The following SH3GLB1 variants were observed in gnomAD, a reference collection of about 807,000 sequenced individuals.
SH3GLB1 encodes SH3 domain containing GRB2 like, endophilin B1.
SH3GLB1 carries 17 observed loss-of-function variants against 42.0 expected under a neutral mutation model. The observed-to-expected ratio is 0.40, with a 90% CI of 0.28 to 0.61. SH3GLB1 has a LOEUF of 0.61. SH3GLB1 is among the 20% of genes least tolerant of loss of function. The pLI, the probability that SH3GLB1 is intolerant of heterozygous loss-of-function variation, is 0.36. For missense variants in SH3GLB1, 355 were observed against 426.3 expected (o/e 0.83, Z 1.47); for synonymous variants, 132 against 146.6 (o/e 0.90, Z 0.72).
At chr1:86,741,760 G>A (rs180924947) in intron 7 of SH3GLB1, among the ~76,000 whole-genome samples, 12 of 152,052 alleles carry the variant, frequency 7.9e-5, no homozygotes, top group African/African-American at 2.9e-4. Context: ...AAATGTGATT[G>A]GACCAGTTTA....
intron 1 of SH3GLB1, among the ~76,000 whole-genome samples, chr1:86,713,669 C>G (rs1654344244): frequency 6.6e-6 from 1 of 152,140 alleles, no homozygotes; most frequent in South Asian, 2.1e-4. Context: ...AACTCCTGCT[C>G]CCCTTTCTAG....
chr1:86,708,282 A>C (rs970331878), intron 1 of SH3GLB1, among the ~76,000 whole-genome samples: 2 of 152,206 alleles, frequency 1.3e-5, no homozygotes, highest in African/African-American at 2.4e-5. Context: ...TTTCATGCTA[A>C]GAATAGCTTA....
In SH3GLB1 at chr1:86,704,640, G is replaced by C. The variant is rs929539962; in HGVS notation, c.-260G>C. Reference sequence around the variant, plus strand: ...CCGTCCATCTCCGGCTCGCCCGCGGGGCCCATCGTCGACGTTAGCGGCCGT... The same window carrying C: ...CCGTCCATCTCCGGCTCGCCCGCGGCGCCCATCGTCGACGTTAGCGGCCGT... On this transcript the variant is annotated 5_prime_UTR_variant, in exon 1 of 9. Coordinates refer to ENST00000370558, the MANE Select transcript of SH3GLB1 (RefSeq NM_016009.5). The C allele has an allele frequency of 2.9e-6, 1 of 344,384 alleles. No individual in the cohort carries two copies. The highest frequency in any genetic ancestry group is 2.2e-5 in the African/African-American group (1 of 45,502). 21.3% of individuals were successfully genotyped at this position (344,384 alleles called of 1,614,324 possible). A position where few individuals can be genotyped will look rare whatever the true frequency, so the allele number is the denominator to read the frequency against.
intron 5 of SH3GLB1, among the ~76,000 whole-genome samples, chr1:86,729,710 C>T (rs1009248950): frequency 1.7e-4 from 26 of 152,002 alleles, no homozygotes; most frequent in African/African-American, 6.0e-4. Context: ...TTTCAGCAGC[C>T]ATTAATCCTT....
Position 86,735,171 on chromosome 1 carries a change from A to G in SH3GLB1, c.753A>G (p.Gln251=), listed in dbSNP as rs2101977697. 1 of 1,606,836 alleles carries G rather than the reference A, an allele frequency of 6.2e-7. No homozygotes were observed. The highest frequency in any genetic ancestry group is 2.2e-5 in the East Asian group (1 of 44,776). Residue 251 remains glutamine, a synonymous_variant, in exon 7 of 9, where the codon CAA becomes CAG. Coordinates refer to ENST00000370558, the MANE Select transcript of SH3GLB1 (RefSeq NM_016009.5). ...CYQYMLDLQK[Q]LGSFPSNYLS... ...AGTATATGTTGGACCTCCAGAAACA[A>G]CTGGGAAGGTGATAATTTACTTTTC... is the stretch of plus-strand genomic sequence containing the variant.
intron 5 of SH3GLB1, among the ~76,000 whole-genome samples, chr1:86,725,436 C>G (rs1178706666): frequency 1.3e-5 from 2 of 151,976 alleles, no homozygotes; most frequent in East Asian, 3.8e-4. Context: ...TATTTATAAG[C>G]TTTTTAGTTA....
chr1:86,743,143 A>G lies in SH3GLB1; in HGVS notation c.1006A>G (p.Ser336Gly). ...TATTTTGCAGGTGATCACTGTGTTCAGTGTTGTTGGAATGGATTCAGACTG... is the reference window on the plus strand; with the variant it reads ...TATTTTGCAGGTGATCACTGTGTTCGGTGTTGTTGGAATGGATTCAGACTG... ...LLADEVITVF[S>G]VVGMDSDWLM... The change falls in exon 9 of 9, where the codon AGT (serine) becomes GGT (glycine). Residue 336 changes from serine to glycine, a missense_variant. Physicochemically the swap from Ser to Gly is moderately conservative, Grantham distance 56. Coordinates refer to ENST00000370558, the MANE Select transcript of SH3GLB1 (RefSeq NM_016009.5). The G allele has an allele frequency of 6.2e-7, 1 of 1,612,192 alleles. No homozygotes were observed. The highest frequency in any genetic ancestry group is 8.5e-7 in the Non-Finnish European group (1 of 1,179,526).
chr1:86,728,991 T>C (rs2101963753), intron 5 of SH3GLB1, among the ~76,000 whole-genome samples: 1 of 152,294 alleles, frequency 6.6e-6, no homozygotes, highest in Non-Finnish European at 1.5e-5. Flanking sequence ...CACCCAGTGC[T>C]AACTCACTTA....
chr1:86,722,234 C>T (rs549648275), intron 3 of SH3GLB1, among the ~76,000 whole-genome samples: 5 of 150,834 alleles, frequency 3.3e-5, no homozygotes, highest in African/African-American at 1.2e-4. Context: ...CCCATAGATA[C>T]AGAGGGCCGA....
chr1:86,706,632 T>A (rs1411908016), intron 1 of SH3GLB1, among the ~76,000 whole-genome samples: 1 of 152,240 alleles, frequency 6.6e-6, no homozygotes, highest in African/African-American at 2.4e-5. Flanking sequence ...TAACATTGAC[T>A]GCAATAGAGG....
chr1:86,724,883 A>AT, intron 5 of SH3GLB1, among the ~76,000 whole-genome samples: 3 of 124,022 alleles, frequency 2.4e-5, no homozygotes, highest in African/African-American at 1.2e-4. Context: ...TTAAAAAAAA[A>AT]AAAAAAAAAA....
At chr1:86,718,237 G>A (rs907507199) in intron 2 of SH3GLB1, among the ~76,000 whole-genome samples, 1 of 151,784 alleles carries the variant, frequency 6.6e-6, no homozygotes, top group African/African-American at 2.4e-5. Context: ...GTAGAGACGG[G>A]GTTTCACCAT....
chr1:86,716,819 T>G (rs565091277), intron 2 of SH3GLB1, among the ~76,000 whole-genome samples: 12 of 152,214 alleles, frequency 7.9e-5, no homozygotes, highest in Non-Finnish European at 1.6e-4. Flanking sequence ...ATATCAAAAC[T>G]GAAGAACAAA....
Position 86,734,481 on chromosome 1 carries a change from C to T in SH3GLB1, c.571-121C>T, listed in dbSNP as rs1011523025. The T allele has an allele frequency of 5.1e-5, 35 of 685,468 alleles. 1 individual carries two copies. In the East Asian group the frequency reaches 8.0e-4, roughly 16 times the overall value. The allele number at this position is 685,468 out of a possible 1,614,324, so 42.5% of individuals were successfully genotyped here. A position where few individuals can be genotyped will look rare whatever the true frequency, so the allele number is the denominator to read the frequency against. ...CCATTTTAGATACAAAGCAGAATTG[C>T]GGAATTGCCAGATTATAACTTGAGG... On this transcript the variant is annotated intron_variant, in intron 5 of 8. Transcript: ENST00000370558.
At chr1:86,719,377 T>G in intron 2 of SH3GLB1, 130 bp from the exon 3 acceptor site, 2 of 493,402 alleles carry the variant, frequency 4.1e-6, no homozygotes, top group African/African-American at 2.0e-5. Context: ...AAAAAATTAT[T>G]TATTAAGATA....
intron 7 of SH3GLB1, among the ~76,000 whole-genome samples, chr1:86,737,692 A>T (rs1452996447): frequency 6.6e-6 from 1 of 152,220 alleles, no homozygotes; most frequent in Non-Finnish European, 1.5e-5. Flanking sequence ...TGGAATCTAC[A>T]TTCTATATGG....
intron 2 of SH3GLB1, among the ~76,000 whole-genome samples, chr1:86,717,566 T>A (rs1345230492): frequency 6.6e-6 from 1 of 151,954 alleles, no homozygotes; most frequent in East Asian, 1.9e-4. Context: ...GGATTACAGG[T>A]GTCCACCACC....
At chr1:86,727,030 T>G (rs941056537) in intron 5 of SH3GLB1, among the ~76,000 whole-genome samples, 1 of 152,040 alleles carries the variant, frequency 6.6e-6, no homozygotes, top group African/African-American at 2.4e-5. Context: ...TGACACTTTT[T>G]AAGTAATTTA....
At chr1:86,741,727 A>G (rs571185256) in intron 7 of SH3GLB1, among the ~76,000 whole-genome samples, 17 of 152,324 alleles carry the variant, frequency 1.1e-4, no homozygotes, top group Non-Finnish European at 2.2e-4. Flanking sequence ...GTAAATGACA[A>G]TAAATATTTT....
Sources: allele counts gnomAD v4.1 joint callset (sites outside exome capture counted in the v4.1 genomes callset), GRCh38; gene constraint gnomAD v4.1.1; transcripts MANE v1.5; gene names NCBI Gene and HGNC (gene_info 2026-07-23, HGNC 2026-07-21).